The following NUDCD1 variants were observed in gnomAD, a reference collection of about 807,000 sequenced individuals.
The protein encoded by NUDCD1 is nudC domain-containing protein 1.
In NUDCD1, 60 loss-of-function variants were observed where a neutral mutation model predicts 67.8. The ratio of observed to expected loss-of-function variants is 0.88; its 90% CI spans 0.72 to 1.10. NUDCD1 has a LOEUF of 1.10. Ranked by LOEUF, NUDCD1 falls within the 50% of genes least tolerant of loss-of-function variation. NUDCD1 has a pLI of 0.00. For synonymous variants in NUDCD1, 244 were observed against 230.8 expected (o/e 1.06, Z -0.52); for missense variants, 643 against 695.0 (o/e 0.93, Z 0.84).
At chr8:109,254,447 T>C (rs1019629493) in intron 8 of NUDCD1, among the ~76,000 whole-genome samples, 2 of 152,190 alleles carry the variant, frequency 1.3e-5, no homozygotes, top group African/African-American at 4.8e-5. Context: ...ATTTAGGCAA[T>C]TTACTCATTT....
chr8:109,287,972 T>C (rs948161399), intron 5 of NUDCD1, among the ~76,000 whole-genome samples: 6 of 152,116 alleles, frequency 3.9e-5, no homozygotes, highest in African/African-American at 1.4e-4. Flanking sequence ...TTTAGGTCTT[T>C]AAAAACATGT....
chr8:109,311,362 A>G (rs1230402436), intron 2 of NUDCD1, among the ~76,000 whole-genome samples: 2 of 152,092 alleles, frequency 1.3e-5, no homozygotes, highest in Non-Finnish European at 2.9e-5. Context: ...AAACAGTATG[A>G]AGATTCCTTA....
At chr8:109,267,776 G>T (rs1355780414) in intron 8 of NUDCD1, among the ~76,000 whole-genome samples, 2 of 152,158 alleles carry the variant, frequency 1.3e-5, no homozygotes, top group Non-Finnish European at 2.9e-5. Flanking sequence ...ATGGTACAGT[G>T]AAGGATTATT....
chr8:109,330,665 C>T (rs1433652542), intron 1 of NUDCD1, among the ~76,000 whole-genome samples: 7 of 152,104 alleles, frequency 4.6e-5, no homozygotes, highest in Non-Finnish European at 8.8e-5. Context: ...GTCCCTTGTA[C>T]TTAAAATGTG....
intron 8 of NUDCD1, among the ~76,000 whole-genome samples, chr8:109,268,874 G>GGAA (rs1814072871): frequency 6.6e-6 from 1 of 152,124 alleles, no homozygotes; most frequent in Non-Finnish European, 1.5e-5. Context: ...AGGGAATCAT[G>GGAA]TATGGGATTA....
rs761212633 is a variant in NUDCD1 at position 109,245,363 on chromosome 8, T to A, written c.1418A>T (p.Gln473Leu). 4 of 1,613,874 alleles carry A rather than the reference T, an allele frequency of 2.5e-6. No individual in the cohort carries two copies. In the Admixed American group the frequency reaches 6.7e-5, roughly 27 times the overall value. ...TGCGATGTGCTCCCACATATCATCT[T>A]GTTTGCTGGAGTGTGGTTGCCAGAG... ...ALLWQPHSSK[Q>L]DDMWEHIATF... The change falls in exon 9 of 10, where the codon CAA becomes CTA. Residue 473 changes from glutamine (Q) to leucine (L), a missense_variant. Physicochemically the swap from Gln to Leu is moderately radical, Grantham distance 113 (BLOSUM62 -2). Coordinates refer to ENST00000239690, the MANE Select transcript of NUDCD1 (RefSeq NM_032869.4).
chr8:109,329,438 C>T (rs1027552823), intron 1 of NUDCD1, among the ~76,000 whole-genome samples: 2 of 151,864 alleles, frequency 1.3e-5, no homozygotes, highest in Non-Finnish European at 2.9e-5. Flanking sequence ...CTGCTCAAAA[C>T]CAATGTAAAA....
At chr8:109,296,691 T>A in intron 2 of NUDCD1, 122 bp from the exon 3 acceptor site, 1 of 665,034 alleles carries the variant, frequency 1.5e-6, no homozygotes, top group Non-Finnish European at 2.5e-6. Flanking sequence ...TTCCTCTTCC[T>A]TTGATGTGAG....
At chr8:109,319,842 C>T (rs1207715084) in intron 2 of NUDCD1, among the ~76,000 whole-genome samples, 2 of 152,148 alleles carry the variant, frequency 1.3e-5, no homozygotes, top group Non-Finnish European at 2.9e-5. Flanking sequence ...TCTATTTTCC[C>T]TAAGCATCGG....
intron 8 of NUDCD1, among the ~76,000 whole-genome samples, chr8:109,263,703 A>G (rs1554612066): frequency 6.6e-6 from 1 of 152,170 alleles, no homozygotes; most frequent in Non-Finnish European, 1.5e-5. Context: ...TATGATATGC[A>G]GAACCCTATT....
At position 109,289,831 on chromosome 8, in the gene NUDCD1, G is replaced by A. The variant is rs1814665309; in HGVS notation, c.743C>T (p.Ser248Phe). The A allele has an allele frequency of 6.4e-7, 1 of 1,563,548 alleles. No homozygotes were observed. Among genetic ancestry groups the A allele is most frequent in the Middle Eastern group, 1.7e-4 (1 of 5,956 alleles). The change falls in exon 5 of 10, where the codon TCC becomes TTC. Residue 248 changes from serine to phenylalanine, a missense_variant. By Grantham distance (155) the Ser-to-Phe change is radical. Transcript: ENST00000239690. ...CTGAACAAATGTTAAAGACTTGTAGGATACAATCATTAGACCATTTCCATC... is the reference window on the plus strand; with the variant it reads ...CTGAACAAATGTTAAAGACTTGTAGAATACAATCATTAGACCATTTCCATC... ...EPDGNGLMIV[S>F]YKSLTFVQAG...
At chr8:109,254,070 T>C (rs1196586063) in intron 8 of NUDCD1, among the ~76,000 whole-genome samples, 1 of 152,134 alleles carries the variant, frequency 6.6e-6, no homozygotes, top group African/African-American at 2.4e-5. Flanking sequence ...AGTTTACAAC[T>C]TGGTAGCCAA....
chr8:109,303,786 C>T (rs1314538625), intron 2 of NUDCD1, among the ~76,000 whole-genome samples: 2 of 152,142 alleles, frequency 1.3e-5, no homozygotes, highest in Non-Finnish European at 2.9e-5. Context: ...TTACCTCGCT[C>T]AATGCCAATA....
chr8:109,294,687 C>T (rs1311514002), intron 3 of NUDCD1, among the ~76,000 whole-genome samples: 1 of 152,016 alleles, frequency 6.6e-6, no homozygotes, highest in Non-Finnish European at 1.5e-5. Context: ...GTTTTCTGAA[C>T]AAGCCCAGCA....
chr8:109,326,204 G>T (rs1815679159), intron 1 of NUDCD1, among the ~76,000 whole-genome samples: 1 of 152,164 alleles, frequency 6.6e-6, no homozygotes, highest in African/African-American at 2.4e-5. Flanking sequence ...AACACTTCAT[G>T]ATTGTTTCAT....
At chr8:109,251,031 G>A (rs563262247) in intron 8 of NUDCD1, among the ~76,000 whole-genome samples, 1 of 152,132 alleles carries the variant, frequency 6.6e-6, no homozygotes, top group Non-Finnish European at 1.5e-5. Context: ...GAAGTTTGTA[G>A]AGAATTGGTA....
At chr8:109,320,724 T>C (rs768490929) in intron 2 of NUDCD1, among the ~76,000 whole-genome samples, 29 of 152,242 alleles carry the variant, frequency 1.9e-4, no homozygotes, top group African/African-American at 4.1e-4. Flanking sequence ...GTTTAAGAGA[T>C]TGCAGTAAAG....
chr8:109,332,814 CCT>C (rs1375567457), intron 1 of NUDCD1, among the ~76,000 whole-genome samples: 1 of 152,138 alleles, frequency 6.6e-6, no homozygotes, highest in Non-Finnish European at 1.5e-5. Context: ...TCAAGCTTAT[CCT>C]CTCTCATCCT....
At chr8:109,297,597 C>A (rs1054657876) in intron 2 of NUDCD1, among the ~76,000 whole-genome samples, 1 of 152,168 alleles carries the variant, frequency 6.6e-6, no homozygotes, top group African/African-American at 2.4e-5. Context: ...TTCAAGGCAT[C>A]ATCTTAGAAG....
Sources: allele counts gnomAD v4.1 joint callset (sites outside exome capture counted in the v4.1 genomes callset), GRCh38; gene constraint gnomAD v4.1.1; transcripts MANE v1.5; gene names NCBI Gene and HGNC (gene_info 2026-07-23, HGNC 2026-07-21).